The following XKR6 variants were observed in gnomAD, a reference collection of about 807,000 sequenced individuals.
XKR6 encodes the protein XK-related protein 6.
XKR6 carries 22 observed loss-of-function variants against 56.7 expected under a neutral mutation model. The ratio of observed to expected loss-of-function variants is 0.39; its 90% CI spans 0.28 to 0.55. XKR6 has a LOEUF of 0.55. Ranked by LOEUF, XKR6 falls within the 20% of genes least tolerant of loss-of-function variation. The pLI, the probability that XKR6 is intolerant of heterozygous loss-of-function variation, is 0.66. For missense variants in XKR6, 852 were observed against 889.0 expected, an observed-to-expected ratio of 0.96 and a Z score of 0.53; for synonymous variants, 524 against 387.8, an observed-to-expected ratio of 1.35 and a Z score of -4.13.
chr8:11,158,944 C>A (rs952006023), intron 1 of XKR6, among the ~76,000 whole-genome samples: 47 of 152,314 alleles, frequency 3.1e-4, no homozygotes, highest in African/African-American at 1.1e-3. Context: ...CAACTGAGGA[C>A]CCGCTTGCCG....
chr8:11,015,707 G>C (rs1798603628), intron 1 of XKR6, among the ~76,000 whole-genome samples: 1 of 152,184 alleles, frequency 6.6e-6, no homozygotes, highest in Non-Finnish European at 1.5e-5. Flanking sequence ...AAGGAGCGAG[G>C]GAGCAGAGAA....
In XKR6 at chr8:10,897,386, TTTAA is replaced by T. The variant is rs1799913280; in HGVS notation, c.*562_*565del. On this transcript the variant is annotated 3_prime_UTR_variant, in exon 3 of 3. Transcript: ENST00000416569. ...TTGTTTCACTTTTAGATTTGTTTCA[TTTAA>T]TTGTTTAATTTTCCCTCTTCTGGTG... 1.3e-5 allele frequency: 2 copies of T among 152,672 alleles called. No individual in the cohort carries two copies. The highest frequency in any genetic ancestry group is 6.5e-5 in the Admixed American group (1 of 15,288). The allele number at this position is 152,672 out of a possible 1,614,324, so 9.5% of individuals were successfully genotyped here.
intron 1 of XKR6, among the ~76,000 whole-genome samples, chr8:10,949,188 C>T (rs1289799209): frequency 2.0e-5 from 3 of 152,252 alleles, no homozygotes; most frequent in Non-Finnish European, 4.4e-5. Flanking sequence ...AGCAAATCAC[C>T]CCCCTACTCC....
rs115700289 is a variant in XKR6 at position 11,159,864 on chromosome 8, T to G, written c.764+40712A>C. ...ACCTTATCTCTTCTGGCCTTTAGAA[T>G]GTTGTTGATTAGAGATATGATGCTT... On this transcript the variant is annotated intron_variant, in intron 1 of 2. Transcript: ENST00000416569. Among the ~76,000 whole-genome samples the G allele has an allele frequency of 6.0e-3, 921 of 152,326 alleles. 10 individuals carry two copies. Among genetic ancestry groups the G allele is most frequent in the Middle Eastern group, 0.02 (6 of 294 alleles).
chr8:11,192,395 C>T (rs1803632121), intron 1 of XKR6, among the ~76,000 whole-genome samples: 1 of 152,068 alleles, frequency 6.6e-6, no homozygotes, highest in Non-Finnish European at 1.5e-5. Context: ...GTGATCCATC[C>T]ACCTCAGCCT....
At chr8:11,190,204 AAAAG>A (rs34031400) in intron 1 of XKR6, among the ~76,000 whole-genome samples, 58 of 120,978 alleles carry the variant, frequency 4.8e-4, no homozygotes, top group East Asian at 3.5e-3. Context: ...AGAAAGAAAG[AAAAG>A]AAAGAAAGAA....
chr8:11,079,836 G>C (rs4841491), intron 1 of XKR6, among the ~76,000 whole-genome samples: 1 of 151,838 alleles, frequency 6.6e-6, no homozygotes, highest in Non-Finnish European at 1.5e-5. Flanking sequence ...GCATGGTGGC[G>C]TGCACCTGTA....
chr8:11,104,821 T>A (rs1433689716), intron 1 of XKR6: 1 of 152,214 alleles, frequency 6.6e-6, no homozygotes, highest in Admixed American at 6.5e-5. Flanking sequence ...ATCAGCAAGG[T>A]AGTGTAAATG....
At chr8:11,007,519 G>A (rs564634308) in intron 1 of XKR6, among the ~76,000 whole-genome samples, 15 of 152,094 alleles carry the variant, frequency 9.9e-5, no homozygotes, top group Non-Finnish European at 2.2e-4. Context: ...CAGTAATGTC[G>A]TTTCCATTCA....
intron 1 of XKR6, among the ~76,000 whole-genome samples, chr8:10,945,191 G>A (rs924419573): frequency 2.6e-5 from 4 of 152,162 alleles, no homozygotes; most frequent in African/African-American, 9.7e-5. Flanking sequence ...TGATTAAAAA[G>A]GCCAAAATGC....
intron 1 of XKR6, among the ~76,000 whole-genome samples, chr8:11,183,413 A>G (rs187527687): frequency 6.6e-6 from 1 of 151,862 alleles, no homozygotes; most frequent in East Asian, 1.9e-4. Context: ...CCTGGGCTCC[A>G]GTGATTCTCT....
chr8:11,073,873 T>C (rs896827957), intron 1 of XKR6, among the ~76,000 whole-genome samples: 2 of 152,002 alleles, frequency 1.3e-5, no homozygotes, highest in Non-Finnish European at 2.9e-5. Flanking sequence ...TCTGGGCAGG[T>C]GACCCAGGGC....
intron 2 of XKR6, among the ~76,000 whole-genome samples, chr8:10,918,300 C>G (rs953539377): frequency 3.3e-5 from 5 of 152,202 alleles, no homozygotes; most frequent in African/African-American, 7.2e-5. Flanking sequence ...TTGGAAGAGG[C>G]TCACCTAAGA....
intron 1 of XKR6, among the ~76,000 whole-genome samples, chr8:11,078,899 C>A (rs535671425): frequency 1.3e-5 from 2 of 152,226 alleles, no homozygotes; most frequent in African/African-American, 4.8e-5. Flanking sequence ...CCTCATGAGC[C>A]GTCAATTTCA....
intron 1 of XKR6, among the ~76,000 whole-genome samples, chr8:11,061,991 G>A (rs979402951): frequency 6.6e-6 from 1 of 152,160 alleles, no homozygotes; most frequent in African/African-American, 2.4e-5. Context: ...ATTCTAACAG[G>A]GTGAAACCAG....
chr8:11,143,420 C>A (rs1357513957), intron 1 of XKR6, among the ~76,000 whole-genome samples: 1 of 152,190 alleles, frequency 6.6e-6, no homozygotes, highest in African/African-American at 2.4e-5. Context: ...GACAATGTAA[C>A]TGCATTCTGC....
chr8:11,140,752 G>C (rs1206333004), intron 1 of XKR6, among the ~76,000 whole-genome samples: 1 of 152,012 alleles, frequency 6.6e-6, no homozygotes, highest in African/African-American at 2.4e-5. Context: ...AAAACAATTA[G>C]CCAGGCATGG....
chr8:11,141,435 T>A lies in XKR6; in HGVS notation c.764+59141A>T, dbSNP rs114198472. On this transcript the variant is annotated intron_variant, in intron 1 of 2. Transcript: ENST00000416569. ...ACAAGCAGCCTTAACTAAGGCACCA[T>A]GTGAAGCTGAAAGCCAGGATTCTCA... Among the ~76,000 whole-genome samples the A allele has an allele frequency of 5.9e-3, 896 of 152,206 alleles. 11 individuals carry two copies. The highest frequency in any genetic ancestry group is 0.021 in the African/African-American group (864 of 41,532).
At chr8:11,091,403 C>G (rs1324328298) in intron 1 of XKR6, among the ~76,000 whole-genome samples, 4 of 149,782 alleles carry the variant, frequency 2.7e-5, no homozygotes, top group Non-Finnish European at 5.9e-5. Flanking sequence ...GCACCCTGCA[C>G]TCCAGTCTGG....
Sources: gnomAD v4.1 joint callset for allele counts (sites outside exome capture counted in the v4.1 genomes callset) on GRCh38, gnomAD v4.1.1 for gene constraint, MANE v1.5 for transcripts, NCBI Gene and HGNC (gene_info 2026-07-23, HGNC 2026-07-21) for gene names.